Variants in PRR16 observed in about 807,000 individuals in gnomAD.
PRR16 encodes the protein proline rich 16.
A neutral mutation model predicts 18.2 loss-of-function variants in PRR16; 6 were observed. The ratio of observed to expected loss-of-function variants is 0.33; its 90% confidence interval spans 0.18 to 0.65. PRR16 has a LOEUF of 0.65. Among genes scored for constraint, PRR16 ranks in the 30% least tolerant of loss-of-function variants. The pLI, the probability that PRR16 is intolerant of heterozygous loss-of-function variation, is 0.74. For missense variants in PRR16, 412 were observed against 376.6 expected (o/e 1.09, Z -0.78); for synonymous variants, 151 against 147.8 (o/e 1.02, Z -0.16).
At chr5:120,489,841 G>T (rs553853241) in intron 1 of PRR16, among the ~76,000 whole-genome samples, 2 of 152,234 alleles carry the variant, frequency 1.3e-5, no homozygotes, top group East Asian at 3.9e-4. Flanking sequence ...TTTTAGGGCA[G>T]GCCTGGTGGT....
chr5:120,736,202 A>G, the PRR16 span, among the ~76,000 whole-genome samples: 4 of 152,174 alleles, frequency 2.6e-5, no homozygotes, highest in East Asian at 1.9e-4. Flanking sequence ...CAGTACCACA[A>G]TGTTTTCTCG....
intron 1 of PRR16, among the ~76,000 whole-genome samples, chr5:120,493,104 T>A (rs1295308783): frequency 6.6e-6 from 1 of 152,218 alleles, no homozygotes; most frequent in Non-Finnish European, 1.5e-5. Context: ...GAATGGTAGA[T>A]CTACTTTCAG....
At chr5:120,493,371 A>T (rs757649196) in intron 1 of PRR16, among the ~76,000 whole-genome samples, 3 of 152,038 alleles carry the variant, frequency 2.0e-5, no homozygotes, top group Non-Finnish European at 4.4e-5. Flanking sequence ...GAGAAATGTG[A>T]TTGTGTTATA....
At chr5:120,512,070 G>C (rs1184477250) in intron 1 of PRR16, among the ~76,000 whole-genome samples, 1 of 108,012 alleles carries the variant, frequency 9.3e-6, no homozygotes. Context: ...GAGAGGAAAG[G>C]CATTAATGGA....
At chr5:120,761,138 A>G in the PRR16 span, among the ~76,000 whole-genome samples, 1 of 152,094 alleles carries the variant, frequency 6.6e-6, no homozygotes, top group East Asian at 1.9e-4. Context: ...ATCAAGACTC[A>G]AGGCCCTCCT....
At chr5:120,518,725 G>A (rs567876856) in intron 1 of PRR16, among the ~76,000 whole-genome samples, 3 of 152,096 alleles carry the variant, frequency 2.0e-5, no homozygotes, top group African/African-American at 4.8e-5. Context: ...TTTGAACAAC[G>A]GGTCTGAACA....
chr5:120,781,350 C>T, the PRR16 span: 3 of 151,982 alleles, frequency 2.0e-5, no homozygotes, highest in Admixed American at 2.0e-4. Context: ...CCAGAAGAAA[C>T]GGGTAGACCT....
At chr5:120,698,612 T>TA in the PRR16 span, among the ~76,000 whole-genome samples, 23 of 151,714 alleles carry the variant, frequency 1.5e-4, no homozygotes, top group African/African-American at 5.6e-4. Flanking sequence ...GGGCACAGTC[T>TA]AAGTTGGTCT....
chr5:120,605,682 G>A (rs1352612004), intron 1 of PRR16, among the ~76,000 whole-genome samples: 1 of 152,152 alleles, frequency 6.6e-6, no homozygotes, highest in Non-Finnish European at 1.5e-5. Flanking sequence ...TTTGGATGGG[G>A]CTTTTGGCTT....
intron 1 of PRR16, among the ~76,000 whole-genome samples, chr5:120,651,570 A>C (rs1026170111): frequency 7.2e-5 from 11 of 152,152 alleles, no homozygotes; most frequent in African/African-American, 2.7e-4. Context: ...TCCCAGCACC[A>C]TTTATTAAAC....
At chr5:120,533,334 C>T (rs773411566) in intron 1 of PRR16, among the ~76,000 whole-genome samples, 7 of 152,086 alleles carry the variant, frequency 4.6e-5, no homozygotes, top group African/African-American at 1.2e-4. Context: ...AAGCAGACAA[C>T]GATTCTAGCT....
At chr5:120,520,711 T>C (rs1040990799) in intron 1 of PRR16, among the ~76,000 whole-genome samples, 1 of 152,212 alleles carries the variant, frequency 6.6e-6, no homozygotes, top group Non-Finnish European at 1.5e-5. Flanking sequence ...TTGTCACATA[T>C]GTGTTACATC....
intron 1 of PRR16, among the ~76,000 whole-genome samples, chr5:120,482,124 T>A (rs1343854034): frequency 1.3e-5 from 2 of 152,188 alleles, no homozygotes; most frequent in African/African-American, 4.8e-5. Context: ...GTTTCTTTTT[T>A]AAAAAAATAA....
At chr5:120,468,135 G>A (rs1749161845) in intron 1 of PRR16, among the ~76,000 whole-genome samples, 1 of 152,096 alleles carries the variant, frequency 6.6e-6, no homozygotes, top group South Asian at 2.1e-4. Context: ...AAAATGATGT[G>A]TGCTGCATAC....
intron 1 of PRR16, among the ~76,000 whole-genome samples, chr5:120,490,165 G>A (rs188539379): frequency 5.6e-4 from 85 of 152,132 alleles, no homozygotes; most frequent in South Asian, 1.7e-3. Context: ...TCTTTGTGGC[G>A]TTCTCTGTAT....
At chr5:120,608,564 G>T (rs1429228092) in intron 1 of PRR16, among the ~76,000 whole-genome samples, 1 of 151,980 alleles carries the variant, frequency 6.6e-6, no homozygotes, top group African/African-American at 2.4e-5. Flanking sequence ...TACTTTAGCA[G>T]TTAGAAAAAA....
downstream of PRR16, among the ~76,000 whole-genome samples, chr5:120,692,317 A>G (rs535018770): frequency 2.0e-5 from 3 of 152,338 alleles, no homozygotes; most frequent in South Asian, 6.2e-4. Flanking sequence ...GAACTCTGTC[A>G]GAGTTCACCC....
intron 1 of PRR16, among the ~76,000 whole-genome samples, chr5:120,525,078 T>G (rs1751306763): frequency 6.6e-6 from 1 of 152,268 alleles, no homozygotes; most frequent in African/African-American, 2.4e-5. Flanking sequence ...AGAAGGCAAC[T>G]TGTCCTGGCA....
chr5:120,702,587 C>T, the PRR16 span, among the ~76,000 whole-genome samples: 1 of 152,122 alleles, frequency 6.6e-6, no homozygotes, highest in African/African-American at 2.4e-5. Context: ...GGTGAATAAT[C>T]AGAGAGGTGT....
Sources: allele counts gnomAD v4.1 joint callset (sites outside exome capture counted in the v4.1 genomes callset), GRCh38; gene constraint gnomAD v4.1.1; transcripts MANE v1.5; gene names NCBI Gene and HGNC (gene_info 2026-07-23, HGNC 2026-07-21).